Variants in GGNBP2 observed in about 807,000 individuals in gnomAD.
GGNBP2 encodes gametogenetin-binding protein 2.
GGNBP2 carries 10 observed loss-of-function variants against 85.9 expected under a neutral mutation model. The observed-to-expected ratio is 0.12, with a 90% CI of 0.07 to 0.20. The LOEUF is 0.20. Among genes scored for constraint, GGNBP2 ranks in the 10% least tolerant of loss-of-function variants. The pLI, the probability that GGNBP2 is intolerant of heterozygous loss-of-function variation, is 1.00. For synonymous variants in GGNBP2, 287 were observed against 285.7 expected, an observed-to-expected ratio of 1.00 and a Z score of -0.05; for missense variants, 595 against 857.8, an observed-to-expected ratio of 0.69 and a Z score of 3.83.
chr17:36,547,432 T>A (rs984674349), intron 2 of GGNBP2: 1 of 152,106 alleles, frequency 6.6e-6, no homozygotes, highest in Non-Finnish European at 1.5e-5. Context: ...GGAAAACATA[T>A]CAAAACATAG....
chr17:36,557,202 T>C lies in GGNBP2; in HGVS notation c.294T>C (p.Arg98=), dbSNP rs1349949665. ...PCVGCRRSVE[R]LFSQLVESGN... ...TTGGTTGTCGTCGCAGTGTGGAGCG[T>C]CTCTTTTCCCAGCTTGTAGAGTCTG... The change falls in exon 4 of 14, where the codon CGT becomes CGC. Residue 98 remains arginine, a synonymous_variant. Coordinates refer to ENST00000613102, the MANE Select transcript of GGNBP2 (RefSeq NM_024835.5). 1 of 1,614,088 alleles carries C rather than the reference T, an allele frequency of 6.2e-7. No homozygotes were observed. The highest frequency in any genetic ancestry group is 2.2e-5 in the East Asian group (1 of 44,882).
chr17:36,574,585 G>A (rs139354136), intron 6 of GGNBP2: 1 of 536,460 alleles, frequency 1.9e-6, no homozygotes, highest in Non-Finnish European at 3.2e-6. Context: ...AGAGGTCGGG[G>A]GTCAGGTAGC....
intron 2 of GGNBP2, among the ~76,000 whole-genome samples, chr17:36,550,024 G>A (rs979054927): frequency 6.6e-6 from 1 of 151,386 alleles, no homozygotes; most frequent in Non-Finnish European, 1.5e-5. Context: ...TGCAACCTCC[G>A]CCTTCCAGGT....
intron 4 of GGNBP2, among the ~76,000 whole-genome samples, 171 bp from the exon 5 acceptor site, chr17:36,560,602 C>T (rs1044615908): frequency 2.9e-5 from 3 of 101,918 alleles, no homozygotes; most frequent in Admixed American, 2.7e-4. Context: ...AGGTAGCAGT[C>T]AGTGTTGAAA....
chr17:36,579,524 A>T, intron 8 of GGNBP2, 105 bp downstream of exon 8: 1 of 954,730 alleles, frequency 1.0e-6, no homozygotes, highest in Non-Finnish European at 1.6e-6. Flanking sequence ...CATCACTGAT[A>T]GAGCTTCATG....
intron 2 of GGNBP2, chr17:36,546,418 C>T (rs979088066): frequency 6.5e-6 from 1 of 153,038 alleles, no homozygotes; most frequent in Non-Finnish European, 1.5e-5. Context: ...GGGCTTTCTT[C>T]GCATTATTTA....
intron 2 of GGNBP2, among the ~76,000 whole-genome samples, 195 bp from the exon 3 acceptor site, chr17:36,554,625 A>C (rs1438733604): frequency 6.6e-6 from 1 of 151,496 alleles, no homozygotes; most frequent in Non-Finnish European, 1.5e-5. Flanking sequence ...CCCCCACCCC[A>C]CTGGCCTCCC....
rs1235316448 is a variant in GGNBP2 at position 36,577,179 on chromosome 17, GTTC to G, written c.642-798_642-796del. 12 of 152,242 alleles carry G rather than the reference GTTC, an allele frequency of 7.9e-5. No homozygotes were observed. In the East Asian group the frequency reaches 1.9e-3, roughly 24 times the overall value. 9.4% of individuals were successfully genotyped at this position (152,242 alleles called of 1,614,324 possible). A position where few individuals can be genotyped will look rare whatever the true frequency, so the allele number is the denominator to read the frequency against. ...GAGCCTGGCTTTTCCACCTGACCAA[GTTC>G]TTCTTGTTCCAGGAATTCAAAGATA... On this transcript the variant is annotated intron_variant, in intron 6 of 13. Coordinates refer to ENST00000613102, the MANE Select transcript of GGNBP2 (RefSeq NM_024835.5).
intron 9 of GGNBP2, chr17:36,582,251 T>G (rs2074658250): frequency 6.6e-6 from 1 of 152,192 alleles, no homozygotes; most frequent in Non-Finnish European, 1.5e-5. Flanking sequence ...CTGGGCATGG[T>G]GGCTCACGCC....
At chr17:36,567,921 T>C in intron 6 of GGNBP2, 145 bp downstream of exon 6, 1 of 474,466 alleles carries the variant, frequency 2.1e-6, no homozygotes, top group Non-Finnish European at 3.8e-6. Flanking sequence ...AATATTAGAG[T>C]AGGCAGTTCC....
At position 36,548,441 on chromosome 17, in the gene GGNBP2, C is replaced by A. The variant is rs190934691; in HGVS notation, c.93+2624C>A. Among the ~76,000 whole-genome samples, 383 of 151,232 alleles carry A rather than the reference C, an allele frequency of 2.5e-3. 3 individuals are homozygous for A. Among genetic ancestry groups the A allele is most frequent in the Admixed American group, 1.0e-2 (151 of 15,148 alleles). ...ACCAGCCTGGCCAACATGGCAAAACCCCGTCTCTACTAAAAATACAAAAAT... is the reference window on the plus strand; with the variant it reads ...ACCAGCCTGGCCAACATGGCAAAACACCGTCTCTACTAAAAATACAAAAAT... On this transcript the variant is annotated intron_variant, in intron 2 of 13. Transcript: ENST00000613102.
Position 36,585,950 on chromosome 17 carries a change from A to C in GGNBP2, c.1477A>C (p.Asn493His), listed in dbSNP as rs531196437. The C allele has an allele frequency of 6.2e-7, 1 of 1,614,196 alleles. No individual in the cohort carries two copies. The highest frequency in any genetic ancestry group is 1.7e-5 in the Admixed American group (1 of 60,026). Residue 493 changes from asparagine to histidine, a missense_variant, in exon 11 of 14, where the codon AAT becomes CAT. This residue lies in a region of GGNBP2 where 35 missense variants were observed against 49.6 expected (regional missense o/e 0.71). Transcript: ENST00000613102. ...SDVACTEGICNHDEHGDDSCV... is the reference protein window; with the variant it reads ...SDVACTEGICHHDEHGDDSCV... ...TGTTGCCTGCACTGAAGGCATTTGT[A>C]ATCATGATGAACACGGTAGGCTCAC...
intron 6 of GGNBP2, chr17:36,575,117 A>T: frequency 1.3e-6 from 1 of 757,256 alleles, no homozygotes. Flanking sequence ...CAGGGACTTG[A>T]TCTTCATGTG....
intron 5 of GGNBP2, among the ~76,000 whole-genome samples, chr17:36,564,765 C>T (rs1035004497): frequency 6.6e-6 from 1 of 152,082 alleles, no homozygotes; most frequent in African/African-American, 2.4e-5. Flanking sequence ...GCTACATCCC[C>T]ACCCCCCATA....
chr17:36,586,240 G>A (rs1263557052), intron 12 of GGNBP2, 42 bp downstream of exon 12: 1 of 1,586,332 alleles, frequency 6.3e-7, no homozygotes, highest in Non-Finnish European at 8.5e-7. Flanking sequence ...TTGCTGTTGA[G>A]GACAGAACAC....
chr17:36,562,350 A>G (rs1286021121), intron 5 of GGNBP2, among the ~76,000 whole-genome samples: 6 of 151,552 alleles, frequency 4.0e-5, no homozygotes, highest in Non-Finnish European at 8.8e-5. Flanking sequence ...TGGATTTTTA[A>G]TAGAGACGGG....
chr17:36,579,327 C>T lies in GGNBP2; in HGVS notation c.928C>T (p.Leu310=). 6.2e-7 allele frequency: 1 copy of T among 1,614,096 alleles called. No individual in the cohort carries two copies. Among genetic ancestry groups the T allele is most frequent in the Non-Finnish European group, 8.5e-7 (1 of 1,179,942 alleles). The stretch of plus-strand genomic sequence containing the variant: ...CTTGGGAATTCATCTTTATGAAAGA[C>T]TGCATCGAATCTGGCAGAAGCTACG... ...TCLGIHLYER[L]HRIWQKLRAE... is the part of the protein sequence containing the mutation. Residue 310 remains leucine, a synonymous_variant, in exon 8 of 14, where the codon CTG becomes TTG. Coordinates refer to ENST00000613102, the MANE Select transcript of GGNBP2 (RefSeq NM_024835.5).
intron 7 of GGNBP2, 71 bp from the exon 8 acceptor site, chr17:36,579,174 C>A: frequency 7.5e-7 from 1 of 1,340,058 alleles, no homozygotes; most frequent in Non-Finnish European, 1.1e-6. Flanking sequence ...AAAACCTGAA[C>A]TTGCAGCTGT....
chr17:36,585,590 A>G (rs2074693284), intron 10 of GGNBP2, 140 bp downstream of exon 10: 1 of 658,850 alleles, frequency 1.5e-6, no homozygotes, highest in Admixed American at 3.4e-5. Flanking sequence ...ATTTAGTCAG[A>G]TACTTAATAT....
Sources: gnomAD v4.1 joint callset for allele counts (sites outside exome capture counted in the v4.1 genomes callset) on GRCh38, gnomAD v4.1.1 for gene constraint, gnomAD v4.1.1 regional missense constraint, MANE v1.5 for transcripts, NCBI Gene and HGNC (gene_info 2026-07-23, HGNC 2026-07-21) for gene names.